Variants in SRPK2 observed in about 807,000 individuals in gnomAD.
SRPK2 encodes the protein SFRS protein kinase 2.
Under a neutral mutation model 90.8 loss-of-function variants are expected in SRPK2, and 21 were observed. That is an observed-to-expected ratio of 0.23 (90% confidence interval 0.16 to 0.33). The LOEUF (loss-of-function observed/expected upper bound fraction) is 0.33. Among genes scored for constraint, SRPK2 ranks in the 10% least tolerant of loss-of-function variants. The pLI, the probability that SRPK2 is intolerant of heterozygous loss-of-function variation, is 1.00. For synonymous variants in SRPK2, 288 were observed against 311.1 expected, an observed-to-expected ratio of 0.93 and a Z score of 0.78; for missense variants, 620 against 869.0, an observed-to-expected ratio of 0.71 and a Z score of 3.60.
upstream of SRPK2, among the ~76,000 whole-genome samples, chr7:105,394,187 G>T (rs1369024845): frequency 3.4e-5 from 5 of 148,074 alleles, no homozygotes; most frequent in African/African-American, 1.3e-4. Flanking sequence ...CTGTCGCCCA[G>T]GCTGGAGTGC....
intron 2 of SRPK2, among the ~76,000 whole-genome samples, chr7:105,341,026 G>A (rs113250863): frequency 0.015 from 2,340 of 152,154 alleles, 73 homozygotes; most frequent in African/African-American, 0.054. Context: ...CATGCATTGG[G>A]GAAAAGGCAA....
chr7:105,272,754 T>G (rs1285632644), intron 2 of SRPK2, among the ~76,000 whole-genome samples: 3 of 152,158 alleles, frequency 2.0e-5, no homozygotes, highest in Admixed American at 2.0e-4. Flanking sequence ...CATTTTCACC[T>G]AGACAGTCTC....
At chr7:105,221,659 C>A (rs140442077) in intron 2 of SRPK2, among the ~76,000 whole-genome samples, 2 of 152,116 alleles carry the variant, frequency 1.3e-5, no homozygotes, top group Admixed American at 1.3e-4. Context: ...CCTTATATAA[C>A]CCCCTGTCCA....
In SRPK2 at chr7:105,197,966, C is replaced by G. The variant is rs118016555; in HGVS notation, c.229+5662G>C. On this transcript the variant is annotated intron_variant, in intron 3 of 15. Transcript: ENST00000393651. ...TTGCAAGGCAATGTTCCTACAGTCA[C>G]CATTTAGTATGTCCTTGTAGCAGGT... 3.1e-3 allele frequency among the ~76,000 whole-genome samples: 474 copies of G among 152,274 alleles called. 14 individuals are homozygous for G. The East Asian group carries it at 0.063, about 20-fold the overall frequency.
At chr7:105,200,963 G>T (rs1795470848) in intron 3 of SRPK2, among the ~76,000 whole-genome samples, 1 of 152,206 alleles carries the variant, frequency 6.6e-6, no homozygotes, top group South Asian at 2.1e-4. Flanking sequence ...TTAAATTTCT[G>T]ATCTTGATGG....
intron 15 of SRPK2, 119 bp downstream of exon 15, chr7:105,126,129 C>G: frequency 1.2e-6 from 1 of 865,604 alleles, no homozygotes; most frequent in Non-Finnish European, 1.8e-6. Context: ...CATAGGAATT[C>G]TGCTGGGTTG....
chr7:105,319,518 G>GGGGGGGGGGGGGGGGGGGGGA (rs1812690002), intron 2 of SRPK2, among the ~76,000 whole-genome samples: 1 of 74,468 alleles, frequency 1.3e-5, no homozygotes, highest in African/African-American at 4.7e-5. Context: ...GGGGGGGGGG[G>GGGGGGGGGGGGGGGGGGGGGA]CGGTGGATGG....
chr7:105,122,762 T>C (rs755333297), intron 15 of SRPK2, among the ~76,000 whole-genome samples: 2 of 152,046 alleles, frequency 1.3e-5, no homozygotes, highest in Non-Finnish European at 2.9e-5. Context: ...CTTTTGAAAT[T>C]TTCAATTGTA....
intron 3 of SRPK2, among the ~76,000 whole-genome samples, chr7:105,194,850 C>T (rs1343505379): frequency 6.6e-6 from 1 of 152,018 alleles, no homozygotes. Flanking sequence ...AGGGATGGAG[C>T]AGATGGAGTC....
At chr7:105,171,015 G>GAGGAAGGAAGGA (rs5886349) in intron 3 of SRPK2, among the ~76,000 whole-genome samples, 2 of 107,544 alleles carry the variant, frequency 1.9e-5, no homozygotes, top group Non-Finnish European at 4.0e-5. Context: ...GAAAGAAAGA[G>GAGGAAGGAAGGA]AGGAAGGAAG....
At chr7:105,130,674 T>G (rs898418089) in intron 13 of SRPK2, among the ~76,000 whole-genome samples, 2 of 151,458 alleles carry the variant, frequency 1.3e-5, no homozygotes, top group Admixed American at 6.6e-5. Context: ...ATTTTTACAC[T>G]ACAACAGAAC....
chr7:105,338,080 T>TAA (rs34625808), intron 2 of SRPK2, among the ~76,000 whole-genome samples: 1,748 of 140,366 alleles, frequency 0.012, 17 homozygotes, highest in Middle Eastern at 0.022. Context: ...GAAAGAATAT[T>TAA]AAAAAAAAAA....
chr7:105,372,558 G>A (rs915266407), intron 2 of SRPK2, among the ~76,000 whole-genome samples: 1 of 152,000 alleles, frequency 6.6e-6, no homozygotes, highest in African/African-American at 2.4e-5. Flanking sequence ...CCCAAACAAA[G>A]GAAAGAAAAA....
intron 2 of SRPK2, among the ~76,000 whole-genome samples, chr7:105,217,719 C>G (rs1797633500): frequency 6.6e-6 from 1 of 152,194 alleles, no homozygotes; most frequent in Non-Finnish European, 1.5e-5. Flanking sequence ...TTACAAAGCT[C>G]AAACTATTTT....
rs1003075936 is a variant in SRPK2, at chr7:105,223,212, C to T, written c.72-19427G>A. On this transcript the variant is annotated intron_variant, in intron 2 of 15. Coordinates refer to ENST00000393651, the MANE Select transcript of SRPK2 (RefSeq NM_182692.3). ...ATCCAAAAAACATCTGTCATCTCTT[C>T]AGCTGAAAAAAGCTCAACTGCAACT... Among the ~76,000 whole-genome samples, 6 of 152,232 alleles carry T rather than the reference C, an allele frequency of 3.9e-5. No individual in the cohort carries two copies. The East Asian group carries it at 1.2e-3, about 29-fold the overall frequency.
At chr7:105,152,769 C>T (rs1318669961) in intron 7 of SRPK2, among the ~76,000 whole-genome samples, 6 of 152,170 alleles carry the variant, frequency 3.9e-5, no homozygotes, top group Admixed American at 1.3e-4. Context: ...GGCGCGGTGA[C>T]TCACGCCTGT....
intron 7 of SRPK2, among the ~76,000 whole-genome samples, chr7:105,147,715 C>G (rs922937105): frequency 2.0e-5 from 3 of 152,310 alleles, no homozygotes; most frequent in African/African-American, 2.4e-5. Context: ...CCCCTTCTAA[C>G]CCTTAGCAAC....
chr7:105,323,195 A>G (rs995172533), intron 2 of SRPK2, among the ~76,000 whole-genome samples: 1 of 150,994 alleles, frequency 6.6e-6, no homozygotes, highest in Non-Finnish European at 1.5e-5. Flanking sequence ...ATCCAAAAAG[A>G]AAAAAAAAGT....
chr7:105,285,008 C>A (rs1807868918), intron 2 of SRPK2, among the ~76,000 whole-genome samples: 3 of 152,250 alleles, frequency 2.0e-5, no homozygotes, highest in East Asian at 3.9e-4. Context: ...AATAAAGTTA[C>A]CCTGAGTCAA....
Sources: gnomAD v4.1 joint callset for allele counts (sites outside exome capture counted in the v4.1 genomes callset) on GRCh38, gnomAD v4.1.1 for gene constraint, MANE v1.5 for transcripts, NCBI Gene and HGNC (gene_info 2026-07-23, HGNC 2026-07-21) for gene names.